The following RNF185 variants were observed in gnomAD, a reference collection of about 807,000 sequenced individuals.
The protein encoded by RNF185 is E3 ubiquitin-protein ligase RNF185.
A neutral mutation model predicts 24.9 loss-of-function variants in RNF185; 13 were observed. The ratio of observed to expected loss-of-function variants is 0.52; its 90% CI spans 0.34 to 0.83. The LOEUF (loss-of-function observed/expected upper bound fraction) is 0.83. RNF185 is among the 40% of genes least tolerant of loss of function. The pLI, the probability that RNF185 is intolerant of heterozygous loss-of-function variation, is 0.01. For missense variants in RNF185, 184 were observed against 244.7 expected (o/e 0.75, Z 1.65); for synonymous variants, 79 against 90.3 (o/e 0.88, Z 0.71).
chr22:31,187,310 A>C lies in RNF185; in HGVS notation c.176+40A>C, dbSNP rs148006933. ...TTCCACCCCAGAGAGCACATTGCCA[A>C]GTTTGGAAAGCCTGTGGCCCTGGGT... On this transcript the variant is annotated intron_variant, in intron 2 of 6. Coordinates refer to ENST00000326132, the MANE Select transcript of RNF185 (RefSeq NM_152267.4). The C allele has an allele frequency of 2.8e-4, 451 of 1,608,538 alleles. 1 individual carries two copies. The African/African-American group carries it at 4.3e-3, about 15-fold the overall frequency.
rs368967009 is a variant in RNF185, at chr22:31,189,135, A to ATATGTGTG, written c.176+1866_176+1867insATGTGTGT. On this transcript the variant is annotated intron_variant, in intron 2 of 6. Transcript: ENST00000326132. The stretch of plus-strand genomic sequence containing the variant: ...AGCAAGACTCTGTCTCAAAAAAAAA[A>ATATGTGTG]TGTGTGTGTGTGTGTGTGTGTGTGT... Among the ~76,000 whole-genome samples, 919 of 136,894 alleles carry ATATGTGTG rather than the reference A, an allele frequency of 6.7e-3. 12 individuals are homozygous for ATATGTGTG. The highest frequency in any genetic ancestry group is 0.011 in the African/African-American group (418 of 36,556). The allele number at this position is 136,894 out of a possible 152,430, so 89.8% of individuals were successfully genotyped here. A position where few individuals can be genotyped will look rare whatever the true frequency, so the allele number is the denominator to read the frequency against.
intron 1 of RNF185, among the ~76,000 whole-genome samples, chr22:31,170,806 G>C (rs925544849): frequency 2.0e-5 from 3 of 152,056 alleles, no homozygotes; most frequent in African/African-American, 7.2e-5. Flanking sequence ...CACCACGCCT[G>C]GCCAGGTTTT....
chr22:31,185,800 C>A (rs915800337), intron 1 of RNF185, among the ~76,000 whole-genome samples: 1 of 152,150 alleles, frequency 6.6e-6, no homozygotes, highest in African/African-American at 2.4e-5. Context: ...CTTTCTTGTT[C>A]AACTCCTGGC....
intron 6 of RNF185, 107 bp downstream of exon 6, chr22:31,201,722 G>T (rs2048264753): frequency 1.3e-6 from 1 of 778,424 alleles, no homozygotes; most frequent in African/African-American, 1.7e-5. Context: ...TCACTACATG[G>T]ATAATCAGCC....
chr22:31,193,115 A>G (rs59592122), intron 3 of RNF185, among the ~76,000 whole-genome samples: 10,679 of 152,210 alleles, frequency 0.07, 1,247 homozygotes, highest in African/African-American at 0.24. Flanking sequence ...AGAAAAGTCT[A>G]TTTTCCTAGC....
chr22:31,166,256 G>A (rs1317695913), intron 1 of RNF185, among the ~76,000 whole-genome samples: 2 of 152,104 alleles, frequency 1.3e-5, no homozygotes, highest in African/African-American at 4.8e-5. Context: ...CTCCCAAAGT[G>A]CTGGGATTAC....
chr22:31,202,645 C>T (rs1194437989), intron 6 of RNF185, among the ~76,000 whole-genome samples: 3 of 127,300 alleles, frequency 2.4e-5, no homozygotes, highest in South Asian at 5.2e-4. Flanking sequence ...TGGAGTCTCG[C>T]TCTGTCCCCC....
intron 3 of RNF185, among the ~76,000 whole-genome samples, 173 bp downstream of exon 3, chr22:31,192,875 A>G (rs944483472): frequency 1.3e-5 from 2 of 152,200 alleles, no homozygotes; most frequent in Non-Finnish European, 2.9e-5. Context: ...ACTTGATGAA[A>G]TCGGGATGGT....
intron 5 of RNF185, among the ~76,000 whole-genome samples, chr22:31,201,135 C>G (rs1046207373): frequency 2.0e-5 from 3 of 152,176 alleles, no homozygotes; most frequent in African/African-American, 7.2e-5. Flanking sequence ...CAATATTGCT[C>G]CTATAAAGCA....
At chr22:31,192,249 T>C (rs1371012514) in intron 2 of RNF185, among the ~76,000 whole-genome samples, 1 of 152,042 alleles carries the variant, frequency 6.6e-6, no homozygotes, top group African/African-American at 2.4e-5. Flanking sequence ...CCCACTGAAA[T>C]TGAGTGTAAA....
chr22:31,174,915 C>T (rs2047966238), intron 1 of RNF185, among the ~76,000 whole-genome samples: 1 of 150,978 alleles, frequency 6.6e-6, no homozygotes, highest in South Asian at 2.1e-4. Context: ...ACGAAAAATA[C>T]CAAAAAAATT....
At position 31,194,588 on chromosome 22, in the gene RNF185, C is replaced by T. The variant is rs192209560; in HGVS notation, c.196-881C>T. 3.3e-5 allele frequency among the ~76,000 whole-genome samples: 5 copies of T among 151,988 alleles called. No individual in the cohort carries two copies. The East Asian group carries it at 5.9e-4, about 18-fold the overall frequency. On this transcript the variant is annotated intron_variant, in intron 3 of 6. Transcript: ENST00000326132. Reference sequence around the variant, plus strand: ...ACTAAAAATACAAAAATTAGCTGGGCGCAGTGGTGGGCGCCTGTAATCCCA... The same window carrying T: ...ACTAAAAATACAAAAATTAGCTGGGTGCAGTGGTGGGCGCCTGTAATCCCA...
rs573758783 is a variant in RNF185, at chr22:31,199,143, C to T, written c.363+2153C>T. ...AGAAAGAAATTAAGGTTCTCTTCTCCGGATTACCCTTAATAATAATACTAG... is the reference window on the plus strand; with the variant it reads ...AGAAAGAAATTAAGGTTCTCTTCTCTGGATTACCCTTAATAATAATACTAG... On this transcript the variant is annotated intron_variant, in intron 5 of 6. Transcript: ENST00000326132. Among the ~76,000 whole-genome samples, 14 of 151,962 alleles carry T rather than the reference C, an allele frequency of 9.2e-5. No homozygotes were observed. In the East Asian group the frequency reaches 1.5e-3, roughly 17 times the overall value.
At chr22:31,192,083 T>C (rs1470536954) in intron 2 of RNF185, among the ~76,000 whole-genome samples, 3 of 152,152 alleles carry the variant, frequency 2.0e-5, no homozygotes, top group African/African-American at 7.2e-5. Context: ...CCATCCTTTC[T>C]ATTACTTAAA....
chr22:31,170,053 G>A (rs556632196), intron 1 of RNF185, among the ~76,000 whole-genome samples: 1 of 152,290 alleles, frequency 6.6e-6, no homozygotes, highest in Non-Finnish European at 1.5e-5. Flanking sequence ...GGGACTCACT[G>A]GCCATTCTGT....
intron 1 of RNF185, among the ~76,000 whole-genome samples, chr22:31,185,228 GA>G (rs2048087735): frequency 1.3e-5 from 2 of 152,138 alleles, no homozygotes. Flanking sequence ...TGATGTAACT[GA>G]GTGAAAAAGT....
chr22:31,189,440 C>T (rs1034463873), intron 2 of RNF185, among the ~76,000 whole-genome samples: 33 of 150,544 alleles, frequency 2.2e-4, no homozygotes, highest in Non-Finnish European at 4.1e-4. Flanking sequence ...TGCAGGAATG[C>T]ACCACCACGC....
At chr22:31,176,491 CTT>C (rs1231883999) in intron 1 of RNF185, among the ~76,000 whole-genome samples, 50 of 132,622 alleles carry the variant, frequency 3.8e-4, no homozygotes, top group Admixed American at 4.6e-4. Flanking sequence ...TTTTCTTTTT[CTT>C]TTTTTTTTTT....
intron 1 of RNF185, among the ~76,000 whole-genome samples, chr22:31,173,386 C>T: frequency 6.7e-6 from 1 of 149,598 alleles, no homozygotes; most frequent in Non-Finnish European, 1.5e-5. Flanking sequence ...TCCTGGGCAT[C>T]AGATCTGTCA....
Sources: allele counts gnomAD v4.1 joint callset (sites outside exome capture counted in the v4.1 genomes callset), GRCh38; gene constraint gnomAD v4.1.1; transcripts MANE v1.5; gene names NCBI Gene and HGNC (gene_info 2026-07-23, HGNC 2026-07-21).